SH3BGRL2: variants seen among roughly 807,000 people sequenced by gnomAD.
The protein encoded by SH3BGRL2 is SH3 domain-binding glutamic acid-rich-like protein 2.
A neutral mutation model predicts 14.8 loss-of-function variants in SH3BGRL2; 21 were observed. The observed-to-expected ratio is 1.42, with a 90% CI of 1.01 to 2.05. SH3BGRL2 has a LOEUF of 2.05. Ranked by LOEUF, SH3BGRL2 falls within the 30% of genes most tolerant of loss-of-function variation. The pLI is 0.00. For missense variants in SH3BGRL2, 147 were observed against 130.8 expected, an observed-to-expected ratio of 1.12 and a Z score of -0.61; for synonymous variants, 50 against 47.8, an observed-to-expected ratio of 1.05 and a Z score of -0.19.
At chr6:79,676,929 A>G (rs1041820960) in intron 2 of SH3BGRL2, among the ~76,000 whole-genome samples, 9 of 152,152 alleles carry the variant, frequency 5.9e-5, no homozygotes, top group Admixed American at 2.0e-4. Flanking sequence ...TATATTACAT[A>G]TTGATTAAAC....
intron 1 of SH3BGRL2, among the ~76,000 whole-genome samples, chr6:79,658,165 C>T (rs1394466886): frequency 6.6e-6 from 1 of 152,042 alleles, no homozygotes; most frequent in Non-Finnish European, 1.5e-5. Flanking sequence ...TTTTATTATA[C>T]TTTTAAGTTC....
chr6:79,567,041 A>C, the SH3BGRL2 span, among the ~76,000 whole-genome samples: 6 of 152,234 alleles, frequency 3.9e-5, no homozygotes, highest in African/African-American at 1.2e-4. Context: ...TTTAAGATTC[A>C]TTGATTTTGG....
intron 1 of SH3BGRL2, among the ~76,000 whole-genome samples, chr6:79,654,004 C>T (rs1330908288): frequency 2.0e-5 from 3 of 152,180 alleles, no homozygotes. Context: ...AAGTAAACTC[C>T]ATCTCTTGGT....
At chr6:79,658,046 C>A (rs973816252) in intron 1 of SH3BGRL2, among the ~76,000 whole-genome samples, 2 of 152,092 alleles carry the variant, frequency 1.3e-5, no homozygotes. Context: ...TCTTTTTGAT[C>A]GGTTCTAAAA....
chr6:79,670,325 TA>T (rs1199113981), intron 1 of SH3BGRL2, among the ~76,000 whole-genome samples: 1 of 152,248 alleles, frequency 6.6e-6, no homozygotes, highest in Non-Finnish European at 1.5e-5. Context: ...GTGTTCCCTT[TA>T]ATTGCTTTGT....
chr6:79,583,605 G>A, the SH3BGRL2 span, among the ~76,000 whole-genome samples: 1 of 152,118 alleles, frequency 6.6e-6, no homozygotes, highest in East Asian at 1.9e-4. Flanking sequence ...CACAGAGCGG[G>A]GAACATCACA....
the SH3BGRL2 span, among the ~76,000 whole-genome samples, chr6:79,622,537 A>G: frequency 1.3e-5 from 2 of 152,180 alleles, no homozygotes; most frequent in Non-Finnish European, 2.9e-5. Context: ...CCACTCACTC[A>G]TGACCTTTGT....
chr6:79,673,273 G>T (rs1283606546), intron 1 of SH3BGRL2, among the ~76,000 whole-genome samples: 5 of 151,992 alleles, frequency 3.3e-5, no homozygotes, highest in Non-Finnish European at 7.4e-5. Context: ...AGTCTAGGTT[G>T]AAGAAACGAC....
chr6:79,633,852 A>T (rs535742756), intron 1 of SH3BGRL2, among the ~76,000 whole-genome samples: 16 of 152,344 alleles, frequency 1.1e-4, no homozygotes, highest in Non-Finnish European at 1.8e-4. Flanking sequence ...ACCAGTGAGG[A>T]TATTTAGGTC....
At chr6:79,572,442 T>TTTTCA in the SH3BGRL2 span, among the ~76,000 whole-genome samples, 2 of 151,012 alleles carry the variant, frequency 1.3e-5, no homozygotes, top group East Asian at 3.9e-4. Flanking sequence ...ATGGCATCTA[T>TTTTCA]TTTTATTTTA....
chr6:79,598,228 A>G, the SH3BGRL2 span, among the ~76,000 whole-genome samples: 188 of 152,320 alleles, frequency 1.2e-3, 1 homozygote, highest in Non-Finnish European at 3.2e-4. Flanking sequence ...TGACTCAGCA[A>G]TTCCACTCCT....
the SH3BGRL2 span, among the ~76,000 whole-genome samples, chr6:79,556,557 G>A: frequency 1.3e-5 from 2 of 151,734 alleles, no homozygotes; most frequent in Admixed American, 6.6e-5. Flanking sequence ...ATACTCTTTG[G>A]GAGTATAAAT....
upstream of SH3BGRL2, among the ~76,000 whole-genome samples, chr6:79,627,004 A>C (rs1257385575): frequency 6.6e-6 from 1 of 152,128 alleles, no homozygotes; most frequent in Admixed American, 6.5e-5. Context: ...GATTCATGAA[A>C]ACTGAGACTG....
the SH3BGRL2 span, among the ~76,000 whole-genome samples, chr6:79,589,499 A>G: frequency 6.6e-6 from 1 of 152,162 alleles, no homozygotes; most frequent in South Asian, 2.1e-4. Context: ...TAATCAAATC[A>G]TTGAAGAGCA....
the SH3BGRL2 span, among the ~76,000 whole-genome samples, chr6:79,609,674 G>A: frequency 4.1e-4 from 63 of 152,228 alleles, no homozygotes; most frequent in Admixed American, 7.2e-4. Flanking sequence ...ATACACAGTA[G>A]ATACAATAGC....
At chr6:79,619,405 A>G in the SH3BGRL2 span, among the ~76,000 whole-genome samples, 5 of 151,932 alleles carry the variant, frequency 3.3e-5, no homozygotes, top group East Asian at 9.7e-4. Flanking sequence ...CTCATTCTTT[A>G]TTGTTACTGT....
intron 1 of SH3BGRL2, among the ~76,000 whole-genome samples, chr6:79,663,502 A>T (rs1327498080): frequency 1.3e-5 from 2 of 152,166 alleles, no homozygotes; most frequent in African/African-American, 4.8e-5. Context: ...ATATTGCAGA[A>T]CAGCAAATGT....
chr6:79,607,391 G>A, the SH3BGRL2 span, among the ~76,000 whole-genome samples: 1 of 152,172 alleles, frequency 6.6e-6, no homozygotes, highest in Non-Finnish European at 1.5e-5. Context: ...CCAGGCAGAA[G>A]GCAGAATTCT....
chr6:79,563,552 T>C, the SH3BGRL2 span, among the ~76,000 whole-genome samples: 1 of 152,070 alleles, frequency 6.6e-6, no homozygotes, highest in Non-Finnish European at 1.5e-5. Flanking sequence ...TGACTACACA[T>C]AGAAACTTTT....
Sources: allele counts gnomAD v4.1 joint callset (sites outside exome capture counted in the v4.1 genomes callset), GRCh38; gene constraint gnomAD v4.1.1; transcripts MANE v1.5; gene names NCBI Gene and HGNC (gene_info 2026-07-23, HGNC 2026-07-21).